Variants in COLEC12 observed in about 807,000 individuals in gnomAD.
The protein encoded by COLEC12 is collectin subfamily member 12.
In COLEC12, 33 loss-of-function variants were observed where a neutral mutation model predicts 71.1. The ratio of observed to expected loss-of-function variants is 0.46; its 90% CI spans 0.35 to 0.62. The LOEUF (loss-of-function observed/expected upper bound fraction) is 0.62. COLEC12 is among the 20% of genes least tolerant of loss of function. The pLI, the probability that COLEC12 is intolerant of heterozygous loss-of-function variation, is 0.00. For synonymous variants in COLEC12, 350 were observed against 353.0 expected, an observed-to-expected ratio of 0.99 and a Z score of 0.10; for missense variants, 765 against 916.1, an observed-to-expected ratio of 0.84 and a Z score of 2.13.
At chr18:345,069 C>A (rs1914341157) in intron 5 of COLEC12, among the ~76,000 whole-genome samples, 1 of 152,172 alleles carries the variant, frequency 6.6e-6, no homozygotes, top group Admixed American at 6.5e-5. Flanking sequence ...TGACTCAGGC[C>A]CTTGTGTAAT....
intron 8 of COLEC12, among the ~76,000 whole-genome samples, chr18:325,564 A>G (rs1913817515): frequency 6.7e-6 from 1 of 148,864 alleles, no homozygotes; most frequent in Non-Finnish European, 1.5e-5. Context: ...TCCATTAACA[A>G]TGACAGTCTC....
At chr18:472,407 G>T (rs1183863001) in intron 2 of COLEC12, among the ~76,000 whole-genome samples, 1 of 152,058 alleles carries the variant, frequency 6.6e-6, no homozygotes, top group Non-Finnish European at 1.5e-5. Flanking sequence ...GTCAGGCGTG[G>T]TGCCTCACAT....
intron 2 of COLEC12, among the ~76,000 whole-genome samples, chr18:410,170 G>T (rs572381766): frequency 6.6e-6 from 1 of 152,310 alleles, no homozygotes; most frequent in East Asian, 1.9e-4. Context: ...GTTTCCTGCA[G>T]GTGGTTTGGT....
At chr18:331,566 G>A (rs1392109138) in intron 8 of COLEC12, 102 bp downstream of exon 8, 1 of 724,346 alleles carries the variant, frequency 1.4e-6, no homozygotes, top group African/African-American at 1.8e-5. Flanking sequence ...GGAGCGTCTA[G>A]GACACGAGGT....
chr18:357,867 G>T (rs899262970), intron 2 of COLEC12, among the ~76,000 whole-genome samples: 2 of 152,170 alleles, frequency 1.3e-5, no homozygotes, highest in African/African-American at 4.8e-5. Flanking sequence ...CTAATTCCCG[G>T]GCCATGGACT....
At position 327,740 on chromosome 18, in the gene COLEC12, A is replaced by G. The variant is rs1342439734; in HGVS notation, c.2063+3928T>C. On this transcript the variant is annotated intron_variant, in intron 8 of 9. Transcript: ENST00000400256. This position sits in a 1 kb window ranked among gnomAD's most constrained non-coding sequence, Gnocchi z 4.0. ...CTGCAAACTGTTTTAAAAGGATTTC[A>G]CGCGTGTTGGGAGAAAAGAATAAGG... 1.3e-5 allele frequency among the ~76,000 whole-genome samples: 2 copies of G among 152,240 alleles called. No homozygotes were observed. Among genetic ancestry groups the G allele is most frequent in the African/African-American group, 4.8e-5 (2 of 41,460 alleles).
intron 2 of COLEC12, among the ~76,000 whole-genome samples, chr18:374,253 C>G (rs972777164): frequency 1.3e-5 from 2 of 152,184 alleles, no homozygotes; most frequent in Non-Finnish European, 2.9e-5. Flanking sequence ...ATTTATCTTT[C>G]TATACTGATA....
chr18:401,192 A>G (rs977395328), intron 2 of COLEC12, among the ~76,000 whole-genome samples: 7 of 152,160 alleles, frequency 4.6e-5, no homozygotes, highest in Admixed American at 4.6e-4. Context: ...TACGCCTCCT[A>G]TGTTCTTTTT....
In COLEC12 at chr18:396,735, G is replaced by C. The variant is rs536631588; in HGVS notation, c.59-39213C>G. ...CCTGCACAACTGACAACTGAATGCA[G>C]CCGCCTTGGCAAGAGCTCATAGGCC... is the stretch of plus-strand genomic sequence containing the variant. On this transcript the variant is annotated intron_variant, in intron 2 of 9. Coordinates refer to ENST00000400256, the MANE Select transcript of COLEC12 (RefSeq NM_130386.3). 2.0e-5 allele frequency among the ~76,000 whole-genome samples: 3 copies of C among 152,340 alleles called. No homozygotes were observed. In the South Asian group the frequency reaches 6.2e-4, roughly 32 times the overall value.
At position 346,215 on chromosome 18, in the gene COLEC12, T is replaced by C. The variant is rs1914366813; in HGVS notation, c.1327+80A>G. The C allele has an allele frequency of 8.9e-7, 1 of 1,117,612 alleles. No individual in the cohort carries two copies. The highest frequency in any genetic ancestry group is 2.3e-5 in the Admixed American group (1 of 44,338). The allele number at this position is 1,117,612 out of a possible 1,614,324, so 69.2% of individuals were successfully genotyped here. A position where few individuals can be genotyped will look rare whatever the true frequency, so the allele number is the denominator to read the frequency against. On this transcript the variant is annotated intron_variant, in intron 5 of 9. Transcript: ENST00000400256. This position sits in a 1 kb window ranked among gnomAD's most constrained non-coding sequence, Gnocchi z 4.0. ...TATGAGATGATGAATATTTATTGTTTTAAATTGCCAAGTTTTAGAGTAACT... is the reference window on the plus strand; with the variant it reads ...TATGAGATGATGAATATTTATTGTTCTAAATTGCCAAGTTTTAGAGTAACT...
intron 1 of COLEC12, among the ~76,000 whole-genome samples, chr18:498,393 CTT>C (rs1205080185): frequency 5.8e-5 from 8 of 136,788 alleles, no homozygotes; most frequent in Non-Finnish European, 1.1e-4. Context: ...GAGTCTCGCT[CTT>C]GTCACCCAGG....
chr18:354,801 A>G (rs1213642092), intron 3 of COLEC12, among the ~76,000 whole-genome samples: 1 of 152,118 alleles, frequency 6.6e-6, no homozygotes, highest in East Asian at 1.9e-4. Context: ...CACTGAAGGA[A>G]AGAAAAGAGG....
chr18:471,538 G>A (rs1917198027), intron 2 of COLEC12, among the ~76,000 whole-genome samples: 1 of 151,534 alleles, frequency 6.6e-6, no homozygotes, highest in African/African-American at 2.4e-5. Flanking sequence ...TTATAGCAAA[G>A]TTACAATTAG....
At chr18:368,016 A>C (rs1342926899) in intron 2 of COLEC12, among the ~76,000 whole-genome samples, 1 of 152,096 alleles carries the variant, frequency 6.6e-6, no homozygotes, top group Non-Finnish European at 1.5e-5. Context: ...TTGGAAGTCA[A>C]AGCAATGAAA....
At chr18:390,294 T>C (rs1371363767) in intron 2 of COLEC12, among the ~76,000 whole-genome samples, 5 of 128,212 alleles carry the variant, frequency 3.9e-5, no homozygotes, top group Non-Finnish European at 9.1e-5. Context: ...ATACCTCTCC[T>C]CCTTCGAGCT....
At chr18:494,830 G>A (rs749760859) in intron 1 of COLEC12, among the ~76,000 whole-genome samples, 5 of 152,128 alleles carry the variant, frequency 3.3e-5, no homozygotes, top group African/African-American at 9.7e-5. Flanking sequence ...AACATCCAAC[G>A]TCACAGGCTA....
intron 2 of COLEC12, among the ~76,000 whole-genome samples, chr18:466,749 G>GA (rs932810519): frequency 3.9e-5 from 6 of 152,124 alleles, no homozygotes; most frequent in South Asian, 2.1e-4. Context: ...AATATAACAG[G>GA]AAAAAAATAC....
intron 2 of COLEC12, among the ~76,000 whole-genome samples, chr18:401,934 T>C (rs1409224745): frequency 6.6e-6 from 1 of 152,052 alleles, no homozygotes; most frequent in Non-Finnish European, 1.5e-5. Flanking sequence ...GACATGTGGG[T>C]CCAACAAGGG....
chr18:391,046 AC>A (rs1380258143), intron 2 of COLEC12, among the ~76,000 whole-genome samples: 1 of 152,066 alleles, frequency 6.6e-6, no homozygotes, highest in East Asian at 1.9e-4. Flanking sequence ...TTTTACAAAA[AC>A]CTGAATTTCC....
Sources: allele counts gnomAD v4.1 joint callset (sites outside exome capture counted in the v4.1 genomes callset), GRCh38; gene constraint gnomAD v4.1.1; non-coding constraint Gnocchi (gnomAD v3.1); transcripts MANE v1.5; gene names NCBI Gene and HGNC (gene_info 2026-07-23, HGNC 2026-07-21).